LRRC49: variants seen among roughly 807,000 people sequenced by gnomAD.
LRRC49 encodes leucine rich repeat containing 49, also known as leucine-rich repeat-containing protein 49.
LRRC49 carries 50 observed loss-of-function variants against 83.3 expected under a neutral mutation model. That is an observed-to-expected ratio of 0.60 (90% CI 0.48 to 0.76). The LOEUF (loss-of-function observed/expected upper bound fraction) is 0.76. Ranked by LOEUF, LRRC49 falls within the 30% of genes least tolerant of loss-of-function variation. The probability of loss-of-function intolerance (pLI) is 0.00; values close to 1 mark genes in which losing one functional copy is unlikely to be tolerated. For missense variants in LRRC49, 704 were observed against 809.1 expected (o/e 0.87, Z 1.58); for synonymous variants, 286 against 283.3 (o/e 1.01, Z -0.10).
intron 9 of LRRC49, among the ~76,000 whole-genome samples, chr15:70,965,407 A>G (rs776408865): frequency 6.6e-6 from 1 of 152,112 alleles, no homozygotes. Context: ...TGTTCTTTAC[A>G]GCAAAAAGAT....
intron 11 of LRRC49, among the ~76,000 whole-genome samples, chr15:70,991,314 T>G (rs2037871692): frequency 6.6e-6 from 1 of 152,236 alleles, no homozygotes; most frequent in African/African-American, 2.4e-5. Flanking sequence ...ATCTTTATAG[T>G]GCATGTATAA....
At chr15:70,892,469 T>C (rs1437480701), upstream of LRRC49, 7 of 1,531,166 alleles carry the variant, frequency 4.6e-6, no homozygotes, top group African/African-American at 1.4e-5. Flanking sequence ...GATATCTTCC[T>C]CCTCCTCCTC....
chr15:70,924,126 T>G (rs1238629880), intron 7 of LRRC49, among the ~76,000 whole-genome samples: 1 of 151,916 alleles, frequency 6.6e-6, no homozygotes, highest in Non-Finnish European at 1.5e-5. Context: ...TTTCATGACA[T>G]TGACATTTGT....
intron 3 of LRRC49, chr15:70,898,565 A>G (rs1388623494): frequency 7.2e-6 from 4 of 557,034 alleles, no homozygotes; most frequent in South Asian, 2.6e-5. Flanking sequence ...GCTTGAGCCC[A>G]GGAGTTCAAG....
intron 14 of LRRC49, among the ~76,000 whole-genome samples, chr15:71,030,565 C>T (rs1267987709): frequency 1.3e-5 from 2 of 152,144 alleles, no homozygotes; most frequent in African/African-American, 4.8e-5. Context: ...GTTGGCCTGT[C>T]TTGCTAGGTT....
intron 2 of LRRC49, among the ~76,000 whole-genome samples, chr15:70,876,792 T>A (rs1017538879): frequency 6.6e-6 from 1 of 152,228 alleles, no homozygotes; most frequent in Non-Finnish European, 1.5e-5. Flanking sequence ...TGCAAAGGCA[T>A]GCCATCTCTA....
In LRRC49 at chr15:70,958,680, T is replaced by G. The variant is rs551996250; in HGVS notation, c.774-5105T>G. 3.9e-5 allele frequency among the ~76,000 whole-genome samples: 6 copies of G among 152,330 alleles called. No homozygotes were observed. In the East Asian group the frequency reaches 1.2e-3, roughly 29 times the overall value. ...CTTTAAGTGATGATTAAGTTTAAAT[T>G]TATAAACTCACATCTTCACCTTCAT... is the stretch of plus-strand genomic sequence containing the variant. On this transcript the variant is annotated intron_variant, in intron 8 of 15. Transcript: ENST00000260382.
Position 71,008,484 on chromosome 15 carries a change from A to G in LRRC49, c.1275A>G (p.Ala425=), listed in dbSNP as rs776658140. 29 of 1,612,898 alleles carry G rather than the reference A, an allele frequency of 1.8e-5. No homozygotes were observed. In the Admixed American group the frequency reaches 4.7e-4, roughly 26 times the overall value. Residue 425 remains alanine, a synonymous_variant, in exon 12 of 16, where the codon GCA becomes GCG. Transcript: ENST00000260382. ...GDTLSLYGSG[A]LESLDRNWSV... ...CACTTTCCCTATATGGCTCAGGAGC[A>G]CTGGAATCTCTGGATAGGAATTGGA...
intron 11 of LRRC49, among the ~76,000 whole-genome samples, chr15:71,003,442 G>A (rs1251727259): frequency 6.6e-6 from 1 of 152,160 alleles, no homozygotes; most frequent in Non-Finnish European, 1.5e-5. Flanking sequence ...AAGAATACCA[G>A]CTTTCTTAGA....
intron 8 of LRRC49, among the ~76,000 whole-genome samples, chr15:70,939,502 A>G (rs575236189): frequency 1.3e-5 from 2 of 152,248 alleles, no homozygotes; most frequent in South Asian, 4.1e-4. Context: ...TTGGGCTTCC[A>G]GGTTAATTTG....
intron 1 of LRRC49, chr15:70,854,148 G>T: frequency 5.1e-6 from 6 of 1,169,888 alleles, no homozygotes; most frequent in Non-Finnish European, 6.4e-6. Flanking sequence ...CCAGCCGGTC[G>T]GCAGCGACTG....
intron 15 of LRRC49, chr15:71,048,755 G>C (rs549801324): frequency 6.6e-6 from 3 of 455,256 alleles, no homozygotes; most frequent in Non-Finnish European, 1.3e-5. Context: ...TTCCTCTGTT[G>C]TGTTTAGGAC....
chr15:71,017,925 C>T (rs1391364962), intron 14 of LRRC49, among the ~76,000 whole-genome samples: 1 of 152,088 alleles, frequency 6.6e-6, no homozygotes, highest in Non-Finnish European at 1.5e-5. Context: ...TTTGTAGTTA[C>T]TTAACTTTGG....
intron 8 of LRRC49, among the ~76,000 whole-genome samples, chr15:70,959,599 AAGGG>A (rs1361128934): frequency 9.0e-5 from 12 of 133,392 alleles, no homozygotes; most frequent in African/African-American, 1.4e-4. Context: ...GGAAGGAAGG[AAGGG>A]AGGGAAATTC....
intron 5 of LRRC49, chr15:70,908,141 G>C: frequency 2.5e-6 from 1 of 398,438 alleles, no homozygotes; most frequent in Non-Finnish European, 5.1e-6. Context: ...TCACCTGGGC[G>C]ATCCGAATCT....
intron 11 of LRRC49, among the ~76,000 whole-genome samples, chr15:70,996,668 ATTGGTAGCTT>A (rs1338008932): frequency 1.3e-5 from 2 of 152,082 alleles, no homozygotes; most frequent in African/African-American, 4.8e-5. Context: ...TAGTTGCTTT[ATTGGTAGCTT>A]TTGTAATGTG....
At chr15:70,987,881 AT>A (rs1367763146) in intron 11 of LRRC49, among the ~76,000 whole-genome samples, 88 of 152,060 alleles carry the variant, frequency 5.8e-4, no homozygotes, top group African/African-American at 2.0e-3. Context: ...TTCTGCCTTC[AT>A]TTTGTTATGT....
At chr15:70,994,957 T>C (rs1480312514) in intron 11 of LRRC49, among the ~76,000 whole-genome samples, 2 of 152,162 alleles carry the variant, frequency 1.3e-5, no homozygotes, top group Non-Finnish European at 1.5e-5. Flanking sequence ...TGTTGAAAGA[T>C]TGAAGGAAAA....
chr15:71,047,762 A>G (rs921603795), intron 15 of LRRC49, among the ~76,000 whole-genome samples: 6 of 151,854 alleles, frequency 4.0e-5, no homozygotes, highest in African/African-American at 7.3e-5. Context: ...TTAGGATTTC[A>G]TTTGTTTGTT....
Sources: gnomAD v4.1 joint callset for allele counts (sites outside exome capture counted in the v4.1 genomes callset) on GRCh38, gnomAD v4.1.1 for gene constraint, MANE v1.5 for transcripts, NCBI Gene and HGNC (gene_info 2026-07-23, HGNC 2026-07-21) for gene names.